Variants in PTPRG observed in about 807,000 individuals in gnomAD.
PTPRG encodes the protein protein tyrosine phosphatase receptor type G, also known as receptor-type tyrosine-protein phosphatase gamma.
Under a neutral mutation model 165.3 loss-of-function variants are expected in PTPRG, and 102 were observed. The observed-to-expected ratio is 0.62, with a 90% CI of 0.53 to 0.73. The LOEUF is 0.73. PTPRG is among the 30% of genes least tolerant of loss of function. PTPRG has a pLI of 0.00. For synonymous variants in PTPRG, 675 were observed against 669.5 expected (o/e 1.01, Z -0.13); for missense variants, 1,866 against 1,861.4 (o/e 1.00, Z -0.05).
In PTPRG at chr3:62,203,371, A is replaced by G. The variant is rs1317086230; in HGVS notation, c.1576A>G (p.Ile526Val). 1 of 1,612,914 alleles carries G rather than the reference A, an allele frequency of 6.2e-7. No homozygotes were observed. Among genetic ancestry groups the G allele is most frequent in the African/African-American group, 1.3e-5 (1 of 74,928 alleles). ...CGGCCTGGGGTTCGGCGGTGGTGGC[A>G]TCTCCTCTTTCCCCAGCACTGTGTG... ...LAGLGFGGGG[I>V]SSFPSTVWPT... The change falls in exon 12 of 30, where the codon ATC becomes GTC. Residue 526 changes from isoleucine (I) to valine (V), a missense_variant. Coordinates refer to ENST00000474889, the MANE Select transcript of PTPRG (RefSeq NM_002841.4). This position sits in a 1 kb window ranked among gnomAD's most constrained non-coding sequence, Gnocchi z 6.4.
chr3:61,756,128 G>T (rs1182405559), intron 2 of PTPRG, among the ~76,000 whole-genome samples: 5 of 152,188 alleles, frequency 3.3e-5, no homozygotes, highest in African/African-American at 4.8e-5. Flanking sequence ...GGAGTGGTGG[G>T]TTGGTTGAAA....
At chr3:61,981,475 G>C (rs1479419692) in intron 2 of PTPRG, among the ~76,000 whole-genome samples, 1 of 152,208 alleles carries the variant, frequency 6.6e-6, no homozygotes, top group East Asian at 1.9e-4. Flanking sequence ...AGCTGGGTCA[G>C]GGTCATGCCA....
intron 5 of PTPRG, among the ~76,000 whole-genome samples, chr3:62,126,288 A>G (rs1703287774): frequency 6.6e-6 from 1 of 152,190 alleles, no homozygotes; most frequent in South Asian, 2.1e-4. Context: ...GTAGATCAAA[A>G]GCACAAAATT....
chr3:61,861,973 G>A (rs1422680939), intron 2 of PTPRG, among the ~76,000 whole-genome samples: 1 of 152,116 alleles, frequency 6.6e-6, no homozygotes, highest in Non-Finnish European at 1.5e-5. Flanking sequence ...GTAAACATTT[G>A]TGTGCAAGTT....
chr3:61,805,661 A>G (rs2035392480), intron 2 of PTPRG, among the ~76,000 whole-genome samples: 1 of 152,158 alleles, frequency 6.6e-6, no homozygotes, highest in South Asian at 2.1e-4. Flanking sequence ...TCTAAGTTAA[A>G]GGGCGTCACT....
At chr3:61,858,704 A>G (rs1249438269) in intron 2 of PTPRG, among the ~76,000 whole-genome samples, 5 of 152,158 alleles carry the variant, frequency 3.3e-5, no homozygotes, top group African/African-American at 1.2e-4. Flanking sequence ...AGGTCATGAG[A>G]TATCAATTGA....
intron 5 of PTPRG, among the ~76,000 whole-genome samples, chr3:62,100,812 T>G (rs1366780610): frequency 2.0e-5 from 3 of 152,242 alleles, no homozygotes; most frequent in Non-Finnish European, 4.4e-5. Context: ...ATGGGTTGTT[T>G]ATAGGCTGTT....
At chr3:62,059,524 T>G (rs1158709107) in intron 4 of PTPRG, among the ~76,000 whole-genome samples, 2 of 152,172 alleles carry the variant, frequency 1.3e-5, no homozygotes, top group East Asian at 3.9e-4. Flanking sequence ...AGAATGAGCT[T>G]AAAAACCAAC....
chr3:62,074,211 G>GTGTGTGTGTGTA lies in PTPRG; in HGVS notation c.520-3951_520-3950insGTGTGTGTGTAT, dbSNP rs923780031. On this transcript the variant is annotated intron_variant, in intron 4 of 29. Transcript: ENST00000474889. ...TGTGTGTGTGTGTGTGTGTGTGTGT[G>GTGTGTGTGTGTA]TATACAGAGAGAGCGCAAAAGAGGT... 5.2e-4 allele frequency among the ~76,000 whole-genome samples: 79 copies of GTGTGTGTGTGTA among 150,922 alleles called. 2 individuals are homozygous for GTGTGTGTGTGTA. Among genetic ancestry groups the GTGTGTGTGTGTA allele is most frequent in the Admixed American group, 3.4e-3 (51 of 15,104 alleles).
intron 23 of PTPRG, among the ~76,000 whole-genome samples, chr3:62,274,713 A>C (rs1272186120): frequency 6.6e-6 from 1 of 152,148 alleles, no homozygotes; most frequent in East Asian, 1.9e-4. Context: ...AAGTGATATG[A>C]AATGAAAAAT....
intron 7 of PTPRG, among the ~76,000 whole-genome samples, chr3:62,162,305 G>A (rs1271627846): frequency 2.0e-5 from 3 of 152,276 alleles, no homozygotes; most frequent in East Asian, 3.9e-4. Flanking sequence ...TCTTGAAACA[G>A]CACCAGTTAA....
chr3:62,136,242 TCA>T (rs1420853477), intron 6 of PTPRG, among the ~76,000 whole-genome samples: 1 of 152,156 alleles, frequency 6.6e-6, no homozygotes, highest in African/African-American at 2.4e-5. Flanking sequence ...GGACCTGCCC[TCA>T]CCATGTATGC....
At chr3:61,571,156 C>T (rs549679034) in intron 1 of PTPRG, among the ~76,000 whole-genome samples, 1 of 152,176 alleles carries the variant, frequency 6.6e-6, no homozygotes, top group Non-Finnish European at 1.5e-5. Flanking sequence ...ATTTTATATG[C>T]TTTTAATCAT....
intron 5 of PTPRG, among the ~76,000 whole-genome samples, chr3:62,114,438 C>T (rs1702787110): frequency 6.6e-6 from 1 of 152,152 alleles, no homozygotes; most frequent in South Asian, 2.1e-4. Context: ...TTCTCATTAA[C>T]ACAGGGCATT....
chr3:61,647,791 CAAAAAAA>C (rs58020589), intron 1 of PTPRG, among the ~76,000 whole-genome samples: 30,589 of 93,606 alleles, frequency 0.33, 4,096 homozygotes, highest in South Asian at 0.46. Flanking sequence ...GACTCCGTCT[CAAAAAAA>C]AAAAAAAAAA....
chr3:61,846,156 T>G (rs1220322255), intron 2 of PTPRG, among the ~76,000 whole-genome samples: 1 of 152,254 alleles, frequency 6.6e-6, no homozygotes, highest in Non-Finnish European at 1.5e-5. Context: ...GTCTAATCTC[T>G]GATAAATGCT....
intron 2 of PTPRG, among the ~76,000 whole-genome samples, chr3:61,756,553 GTTCTT>G (rs2033640517): frequency 6.6e-6 from 1 of 152,128 alleles, no homozygotes; most frequent in African/African-American, 2.4e-5. Context: ...TCTACTTAGA[GTTCTT>G]TTCTTATTTT....
rs114533737 is a variant in PTPRG at position 61,829,817 on chromosome 3, G to C, written c.190+80835G>C. 4.1e-3 allele frequency among the ~76,000 whole-genome samples: 622 copies of C among 152,306 alleles called. 5 individuals are homozygous for C. The highest frequency in any genetic ancestry group is 0.014 in the African/African-American group (591 of 41,562). ...ATCACCCGGTAGATTAATTTAGCTG[G>C]TGTAACATGGTCCTGAACTTGGAAT... is the stretch of plus-strand genomic sequence containing the variant. On this transcript the variant is annotated intron_variant, in intron 2 of 29. Coordinates refer to ENST00000474889, the MANE Select transcript of PTPRG (RefSeq NM_002841.4).
chr3:61,594,350 T>C (rs1559516315), intron 1 of PTPRG, among the ~76,000 whole-genome samples: 1 of 152,046 alleles, frequency 6.6e-6, no homozygotes. Context: ...GGGCATTTCT[T>C]CCATTCTGAG....
Sources: allele counts gnomAD v4.1 joint callset (sites outside exome capture counted in the v4.1 genomes callset), GRCh38; gene constraint gnomAD v4.1.1; non-coding constraint Gnocchi (gnomAD v3.1); transcripts MANE v1.5; gene names NCBI Gene and HGNC (gene_info 2026-07-23, HGNC 2026-07-21).